SESN1: variants seen among roughly 807,000 people sequenced by gnomAD.
The protein encoded by SESN1 is sestrin 1.
Under a neutral mutation model 59.3 loss-of-function variants are expected in SESN1, and 30 were observed. The observed-to-expected ratio is 0.51, with a 90% CI of 0.38 to 0.69. SESN1 has a LOEUF of 0.69. Ranked by LOEUF, SESN1 falls within the 30% of genes least tolerant of loss-of-function variation. The pLI is 0.00. For synonymous variants in SESN1, 197 were observed against 219.9 expected, an observed-to-expected ratio of 0.90 and a Z score of 0.92; for missense variants, 566 against 673.0, an observed-to-expected ratio of 0.84 and a Z score of 1.76.
chr6:109,011,766 C>A (rs1240506554), intron 1 of SESN1, among the ~76,000 whole-genome samples: 1 of 151,792 alleles, frequency 6.6e-6, no homozygotes, highest in African/African-American at 2.4e-5. Flanking sequence ...GTAGCTGGCA[C>A]TACAGGCAGA....
chr6:109,022,356 T>G (rs929011411), intron 1 of SESN1, among the ~76,000 whole-genome samples: 4 of 151,764 alleles, frequency 2.6e-5, no homozygotes, highest in African/African-American at 9.7e-5. Context: ...CTAGTTTCGA[T>G]TTGATATTAA....
chr6:109,001,167 A>T, intron 3 of SESN1, 121 bp downstream of exon 3: 7 of 846,986 alleles, frequency 8.3e-6, no homozygotes, highest in Admixed American at 2.9e-5. Context: ...GAGACTGTGC[A>T]ACAGGAATCA....
intron 1 of SESN1, among the ~76,000 whole-genome samples, chr6:109,065,105 C>T (rs1051915646): frequency 1.3e-5 from 2 of 152,046 alleles, no homozygotes; most frequent in South Asian, 2.1e-4. Context: ...CTTAAGTTCC[C>T]GAATTTAATA....
chr6:108,992,110 AT>A (rs1280123229), intron 7 of SESN1, among the ~76,000 whole-genome samples: 1 of 151,626 alleles, frequency 6.6e-6, no homozygotes, highest in African/African-American at 2.4e-5. Flanking sequence ...CTTATTTATT[AT>A]TTTTTGAGAC....
At chr6:109,070,984 G>A (rs551703272) in intron 1 of SESN1, among the ~76,000 whole-genome samples, 2 of 152,274 alleles carry the variant, frequency 1.3e-5, no homozygotes, top group East Asian at 1.9e-4. Context: ...AGGGAAGGAC[G>A]TTTTCCTCCT....
At chr6:109,058,075 T>TA (rs1554265977) in intron 1 of SESN1, among the ~76,000 whole-genome samples, 1 of 152,052 alleles carries the variant, frequency 6.6e-6, no homozygotes, top group Non-Finnish European at 1.5e-5. Context: ...TGTTTAGATA[T>TA]ATTAATTAAT....
chr6:109,061,963 C>T (rs888553455), intron 1 of SESN1, among the ~76,000 whole-genome samples: 3 of 152,150 alleles, frequency 2.0e-5, no homozygotes, highest in Non-Finnish European at 4.4e-5. Flanking sequence ...ATTATCTAAA[C>T]GTGATAAAAG....
intron 1 of SESN1, among the ~76,000 whole-genome samples, chr6:109,024,928 AATGGCC>A (rs1780066474): frequency 6.6e-6 from 1 of 152,242 alleles, no homozygotes; most frequent in African/African-American, 2.4e-5. Flanking sequence ...TATTGTTTAA[AATGGCC>A]GAACTGGCAA....
intron 1 of SESN1, among the ~76,000 whole-genome samples, chr6:109,081,710 T>A (rs1259552794): frequency 6.6e-6 from 1 of 152,130 alleles, no homozygotes; most frequent in Non-Finnish European, 1.5e-5. Flanking sequence ...TCACAGAAGA[T>A]AAACTAGGCA....
intron 1 of SESN1, among the ~76,000 whole-genome samples, chr6:109,067,002 A>C (rs538312035): frequency 1.8e-4 from 28 of 152,310 alleles, no homozygotes; most frequent in African/African-American, 6.5e-4. Context: ...TATTCGCAAA[A>C]TCAATTATGT....
At chr6:109,073,357 G>A (rs373368548) in intron 1 of SESN1, among the ~76,000 whole-genome samples, 1 of 152,142 alleles carries the variant, frequency 6.6e-6, no homozygotes, top group Admixed American at 6.5e-5. Flanking sequence ...GACTGTTATC[G>A]TTGTTATTAT....
intron 1 of SESN1, among the ~76,000 whole-genome samples, chr6:109,033,251 A>C (rs1331072509): frequency 6.6e-6 from 1 of 152,188 alleles, no homozygotes; most frequent in Non-Finnish European, 1.5e-5. Context: ...ACAAAGGTAT[A>C]AACCAGTGAT....
At chr6:109,049,718 T>C (rs1583287185) in intron 1 of SESN1, among the ~76,000 whole-genome samples, 1 of 150,040 alleles carries the variant, frequency 6.7e-6, no homozygotes, top group Non-Finnish European at 1.5e-5. Context: ...ATATATTATA[T>C]ACTAATATTG....
At chr6:109,045,922 T>G (rs1051870588) in intron 1 of SESN1, among the ~76,000 whole-genome samples, 4 of 152,208 alleles carry the variant, frequency 2.6e-5, no homozygotes, top group African/African-American at 9.7e-5. Context: ...GAACTCTGAT[T>G]GAAAATAAGA....
chr6:109,065,403 A>G (rs982605240), intron 1 of SESN1, among the ~76,000 whole-genome samples: 1 of 152,154 alleles, frequency 6.6e-6, no homozygotes, highest in African/African-American at 2.4e-5. Flanking sequence ...TCCAATATTA[A>G]AAGAAGTAAC....
intron 9 of SESN1, among the ~76,000 whole-genome samples, chr6:108,987,866 G>A (rs1237191172): frequency 4.1e-5 from 6 of 147,732 alleles, no homozygotes; most frequent in Admixed American, 1.4e-4. Flanking sequence ...GCAGTGGCAC[G>A]ATCTTGGCTC....
chr6:109,085,422 G>A (rs575430537), intron 1 of SESN1, among the ~76,000 whole-genome samples: 1 of 152,250 alleles, frequency 6.6e-6, no homozygotes, highest in Admixed American at 6.5e-5. Context: ...GGGAGGCTGA[G>A]GCAGGAGAAT....
intron 1 of SESN1, among the ~76,000 whole-genome samples, chr6:109,093,483 C>T (rs1246364988): frequency 6.6e-6 from 1 of 151,994 alleles, no homozygotes. Context: ...AGCCTTTACA[C>T]TCAGAACACT....
At chr6:109,066,454 A>C (rs1432183277) in intron 1 of SESN1, among the ~76,000 whole-genome samples, 1 of 152,138 alleles carries the variant, frequency 6.6e-6, no homozygotes, top group African/African-American at 2.4e-5. Context: ...TAAAATGAAA[A>C]AGAAAGTAGG....
Sources: gnomAD v4.1 joint callset for allele counts (sites outside exome capture counted in the v4.1 genomes callset) on GRCh38, gnomAD v4.1.1 for gene constraint, MANE v1.5 for transcripts, NCBI Gene and HGNC (gene_info 2026-07-23, HGNC 2026-07-21) for gene names.